VNN1: variants seen among roughly 807,000 people sequenced by gnomAD.
VNN1 encodes the protein pantetheinase.
Under a neutral mutation model 41.9 loss-of-function variants are expected in VNN1, and 29 were observed. That is an observed-to-expected ratio of 0.69 (90% CI 0.52 to 0.94). The LOEUF (loss-of-function observed/expected upper bound fraction) is 0.94. Ranked by LOEUF, VNN1 falls within the 40% of genes least tolerant of loss-of-function variation. The pLI, the probability that VNN1 is intolerant of heterozygous loss-of-function variation, is 0.00. For synonymous variants in VNN1, 233 were observed against 224.4 expected, an observed-to-expected ratio of 1.04 and a Z score of -0.34; for missense variants, 637 against 621.1, an observed-to-expected ratio of 1.03 and a Z score of -0.27.
At chr6:132,688,364 T>C (rs530809704) in intron 5 of VNN1, among the ~76,000 whole-genome samples, 1 of 152,302 alleles carries the variant, frequency 6.6e-6, no homozygotes, top group African/African-American at 2.4e-5. Context: ...TATCTTTAAA[T>C]AGGAAGATTC....
intron 2 of VNN1, chr6:132,699,161 T>C: frequency 5.4e-6 from 2 of 371,124 alleles, no homozygotes; most frequent in East Asian, 8.6e-5. Context: ...TGAATATAGG[T>C]TCACGGTTTC....
rs45564441 is a variant in VNN1 at position 132,711,834 on chromosome 6, C to T, written c.216G>A (p.Ala72=). The change falls in exon 2 of 7, where the codon GCG becomes GCA. Residue 72 remains alanine (A), a synonymous_variant. Coordinates refer to ENST00000367928, the MANE Select transcript of VNN1 (RefSeq NM_004666.3). ...GAITSAADQG[A]HIIVTPEDAI... The stretch of plus-strand genomic sequence containing the variant: ...CATCTTCTGGAGTCACAATAATATG[C>T]GCACCCTGTTAAAAATGCAACTTAA... 2.4e-3 allele frequency: 3,828 copies of T among 1,613,122 alleles called. 75 individuals carry two copies. In the African/African-American group the frequency reaches 0.044, roughly 18 times the overall value.
intron 2 of VNN1, among the ~76,000 whole-genome samples, chr6:132,695,626 C>A (rs188493527): frequency 2.0e-5 from 3 of 152,260 alleles, no homozygotes; most frequent in African/African-American, 7.2e-5. Context: ...AAGTGGCTTC[C>A]AGGAGATTTA....
rs150181428 is a variant in VNN1, at chr6:132,694,982, G to A, written c.342-800C>T. Among the ~76,000 whole-genome samples, 669 of 152,096 alleles carry A rather than the reference G, an allele frequency of 4.4e-3. 5 individuals are homozygous for A. The highest frequency in any genetic ancestry group is 0.015 in the African/African-American group (636 of 41,474). On this transcript the variant is annotated intron_variant, in intron 2 of 6. Transcript: ENST00000367928. ...AGCCAGACCAACATGAAGAAACCCC[G>A]TCTCTACTAAAAATACAAAATTAGC...
chr6:132,684,919 C>A (rs1778185968), intron 5 of VNN1, among the ~76,000 whole-genome samples: 1 of 152,196 alleles, frequency 6.6e-6, no homozygotes, highest in Admixed American at 6.5e-5. Context: ...AAAGATTAGC[C>A]CTGTAAAAGC....
intron 2 of VNN1, among the ~76,000 whole-genome samples, chr6:132,708,809 G>A (rs207467453): frequency 6.6e-6 from 1 of 152,034 alleles, no homozygotes; most frequent in African/African-American, 2.4e-5. Flanking sequence ...CTATACCCTG[G>A]AGTCTATTCT....
intron 1 of VNN1, among the ~76,000 whole-genome samples, chr6:132,712,560 G>A (rs1358567861): frequency 6.6e-6 from 1 of 152,132 alleles, no homozygotes; most frequent in African/African-American, 2.4e-5. Context: ...TTTCGCTGAT[G>A]ACTGTGCCTG....
chr6:132,694,635 G>T (rs1778341876), intron 2 of VNN1, among the ~76,000 whole-genome samples: 1 of 151,324 alleles, frequency 6.6e-6, no homozygotes, highest in South Asian at 2.1e-4. Flanking sequence ...AGGAAGGATT[G>T]CTTGAGCCCA....
intron 5 of VNN1, among the ~76,000 whole-genome samples, chr6:132,688,965 T>C (rs1778243718): frequency 6.6e-6 from 1 of 152,220 alleles, no homozygotes; most frequent in Non-Finnish European, 1.5e-5. Flanking sequence ...TTCAGCTCAC[T>C]GCAACCTCTA....
chr6:132,713,149 A>G (rs1468543887), intron 1 of VNN1, among the ~76,000 whole-genome samples: 1 of 152,148 alleles, frequency 6.6e-6, no homozygotes, highest in Non-Finnish European at 1.5e-5. Flanking sequence ...ACACAAAAGA[A>G]TATATATTTA....
chr6:132,692,511 G>A lies in VNN1; in HGVS notation c.900C>T (p.Leu300=), dbSNP rs1778306243. Residue 300 remains leucine, a synonymous_variant, in exon 5 of 7, where the codon CTC becomes CTT. Coordinates refer to ENST00000367928, the MANE Select transcript of VNN1 (RefSeq NM_004666.3). ...YDMKTEEGKL[L]LSQLDSHPSH... Reference sequence around the variant, plus strand: ...ATGGGTGGGAATCCAGTTGCGAGAGGAGGAGTTTTCCCTCTTCTGTCTTCA... The same window carrying A: ...ATGGGTGGGAATCCAGTTGCGAGAGAAGGAGTTTTCCCTCTTCTGTCTTCA... 3 of 1,612,556 alleles carry A rather than the reference G, an allele frequency of 1.9e-6. No individual in the cohort carries two copies. The highest frequency in any genetic ancestry group is 2.2e-5 in the East Asian group (1 of 44,854).
intron 2 of VNN1, chr6:132,699,102 T>C (rs1778415044): frequency 6.8e-6 from 2 of 292,558 alleles, no homozygotes; most frequent in South Asian, 4.2e-5. Context: ...GTAAAATCAA[T>C]AGAAGAGGAA....
chr6:132,711,867 G>C (rs777012198), intron 1 of VNN1, 28 bp from the exon 2 acceptor site: 31 of 1,610,348 alleles, frequency 1.9e-5, no homozygotes, highest in South Asian at 8.8e-5. Context: ...TAATCCAAAG[G>C]GGGGCCTGCA....
rs139700096 is a variant in VNN1 at position 132,706,995 on chromosome 6, G to A, written c.341+4714C>T. On this transcript the variant is annotated intron_variant, in intron 2 of 6. Coordinates refer to ENST00000367928, the MANE Select transcript of VNN1 (RefSeq NM_004666.3). ...TAATCCCAGCATTTCTGGAGGCTGA[G>A]GCAAGAGGATCACCTGAGGTCAGGA... Among the ~76,000 whole-genome samples, 11 of 152,102 alleles carry A rather than the reference G, an allele frequency of 7.2e-5. No individual in the cohort carries two copies. In the East Asian group the frequency reaches 1.4e-3, roughly 19 times the overall value.
chr6:132,707,234 A>AAG (rs1253264063), intron 2 of VNN1, among the ~76,000 whole-genome samples: 1 of 151,794 alleles, frequency 6.6e-6, no homozygotes, highest in African/African-American at 2.4e-5. Flanking sequence ...CTCAAAAAAA[A>AAG]AAAAAAGCAA....
At position 132,696,312 on chromosome 6, in the gene VNN1, A is replaced by G. The variant is rs559858668; in HGVS notation, c.342-2130T>C. Among the ~76,000 whole-genome samples the G allele has an allele frequency of 2.0e-5, 3 of 152,338 alleles. No homozygotes were observed. The South Asian group carries it at 6.2e-4, about 32-fold the overall frequency. ...AGAACAACAACAAAAAATATTAAAG[A>G]AAATTGAACAGAGCCTTAGGAACAC... is the stretch of plus-strand genomic sequence containing the variant. On this transcript the variant is annotated intron_variant, in intron 2 of 6. Coordinates refer to ENST00000367928, the MANE Select transcript of VNN1 (RefSeq NM_004666.3).
Position 132,683,112 on chromosome 6 carries a change from C to T in VNN1, c.*28G>A, listed in dbSNP as rs1383700670. On this transcript the variant is annotated 3_prime_UTR_variant, in exon 7 of 7. Coordinates refer to ENST00000367928, the MANE Select transcript of VNN1 (RefSeq NM_004666.3). ...TCATCCATCATTTTTTAAATTATCC[C>T]AAATAAAAAAGAGAAAAAGTCAATA... The T allele has an allele frequency of 6.4e-7, 1 of 1,558,912 alleles. No individual in the cohort carries two copies.
intron 5 of VNN1, among the ~76,000 whole-genome samples, chr6:132,687,298 A>G (rs1778222985): frequency 6.6e-6 from 1 of 152,234 alleles, no homozygotes; most frequent in African/African-American, 2.4e-5. Flanking sequence ...ACTTAACTAA[A>G]TTTAAGAGGA....
intron 2 of VNN1, among the ~76,000 whole-genome samples, chr6:132,706,385 G>A: frequency 6.6e-6 from 1 of 152,134 alleles, no homozygotes; most frequent in Non-Finnish European, 1.5e-5. Flanking sequence ...CAACAAAGAT[G>A]CCAAGAGCAT....
Sources: gnomAD v4.1 joint callset for allele counts (sites outside exome capture counted in the v4.1 genomes callset) on GRCh38, gnomAD v4.1.1 for gene constraint, MANE v1.5 for transcripts, NCBI Gene and HGNC (gene_info 2026-07-23, HGNC 2026-07-21) for gene names.